The following ADGRB3 variants were observed in gnomAD, a reference collection of about 807,000 sequenced individuals.
ADGRB3 encodes brain-specific angiogenesis inhibitor 3.
In ADGRB3, 37 loss-of-function variants were observed where a neutral mutation model predicts 193.4. The ratio of observed to expected loss-of-function variants is 0.19; its 90% CI spans 0.15 to 0.25. The LOEUF is 0.25. ADGRB3 is among the 10% of genes least tolerant of loss of function. The pLI is 1.00. For missense variants in ADGRB3, 1,637 were observed against 1,852.9 expected, an observed-to-expected ratio of 0.88 and a Z score of 2.14; for synonymous variants, 690 against 644.2, an observed-to-expected ratio of 1.07 and a Z score of -1.08.
intron 3 of ADGRB3, among the ~76,000 whole-genome samples, chr6:68,706,697 G>A (rs1275115503): frequency 6.6e-6 from 1 of 152,188 alleles, no homozygotes; most frequent in Non-Finnish European, 1.5e-5. Context: ...CTGAGAATAA[G>A]TTTGGGACTT....
chr6:68,822,534 G>T (rs1767765780), intron 3 of ADGRB3, among the ~76,000 whole-genome samples: 1 of 151,882 alleles, frequency 6.6e-6, no homozygotes, highest in Non-Finnish European at 1.5e-5. Flanking sequence ...TAGAGTTATT[G>T]TGTTCTCTGA....
intron 15 of ADGRB3, among the ~76,000 whole-genome samples, chr6:69,051,477 C>A (rs1405065334): frequency 6.6e-6 from 1 of 152,082 alleles, no homozygotes; most frequent in Non-Finnish European, 1.5e-5. Context: ...TAGTAAATGT[C>A]TATAGGACAA....
intron 20 of ADGRB3, among the ~76,000 whole-genome samples, chr6:69,268,770 A>T (rs1321013355): frequency 6.6e-6 from 1 of 152,196 alleles, no homozygotes. Flanking sequence ...TTTCACCTTG[A>T]CTTTATCACT....
chr6:68,979,925 T>C (rs2150268060), intron 10 of ADGRB3, among the ~76,000 whole-genome samples: 1 of 151,492 alleles, frequency 6.6e-6, no homozygotes, highest in East Asian at 1.9e-4. Context: ...AGACAAGCTG[T>C]GTGTAATTGG....
intron 30 of ADGRB3, among the ~76,000 whole-genome samples, chr6:69,378,281 G>A (rs931379374): frequency 6.6e-6 from 1 of 151,992 alleles, no homozygotes; most frequent in Non-Finnish European, 1.5e-5. Context: ...GGATTGTTTT[G>A]TCTCATTTTC....
chr6:69,001,892 T>C (rs1769589502), intron 11 of ADGRB3, among the ~76,000 whole-genome samples: 1 of 152,216 alleles, frequency 6.6e-6, no homozygotes, highest in African/African-American at 2.4e-5. Context: ...AGTTGAAAAC[T>C]AGAGTTTTCC....
At chr6:68,851,137 G>A (rs552690489) in intron 3 of ADGRB3, among the ~76,000 whole-genome samples, 5 of 151,952 alleles carry the variant, frequency 3.3e-5, no homozygotes, top group South Asian at 4.1e-4. Context: ...CATGGGTAAC[G>A]TGTTTAGCCT....
intron 20 of ADGRB3, among the ~76,000 whole-genome samples, chr6:69,269,201 T>C (rs1186174626): frequency 6.6e-6 from 1 of 152,172 alleles, no homozygotes. Flanking sequence ...CAGAATCAAG[T>C]ATTGAACTTA....
Position 69,355,846 on chromosome 6 carries a change from T to C in ADGRB3, c.3581T>C (p.Ile1194Thr), listed in dbSNP as rs1769326776. ...ACAGACTTTGAAAAGGATGTAGACA[T>C]TGCCTGTCGATCAGGTAAGAATATT... ...IMTDFEKDVD[I>T]ACRSVLHKDI... Residue 1194 changes from isoleucine (I) to threonine (T), a missense_variant, in exon 28 of 32, where the codon ATT becomes ACT. Physicochemically the swap from Ile to Thr is moderately conservative, Grantham distance 89. Transcript: ENST00000370598. 4.4e-6 allele frequency: 7 copies of C among 1,607,444 alleles called. No individual in the cohort carries two copies. Among genetic ancestry groups the C allele is most frequent in the South Asian group, 2.2e-5 (2 of 90,924 alleles).
intron 3 of ADGRB3, among the ~76,000 whole-genome samples, chr6:68,685,419 TG>T (rs1764964773): frequency 6.6e-6 from 1 of 151,482 alleles, no homozygotes; most frequent in South Asian, 2.1e-4. Context: ...GTATATGAGG[TG>T]GAAATAGAAA....
chr6:69,330,606 AG>A (rs760336142), intron 23 of ADGRB3, 34 bp downstream of exon 23: 27 of 1,534,394 alleles, frequency 1.8e-5, no homozygotes, highest in Non-Finnish European at 2.2e-5. Flanking sequence ...TTGTTTTCTT[AG>A]GAAAAAAAAA....
intron 20 of ADGRB3, among the ~76,000 whole-genome samples, chr6:69,322,553 T>A (rs887206429): frequency 4.6e-5 from 7 of 151,956 alleles, no homozygotes; most frequent in Admixed American, 4.6e-4. Flanking sequence ...TTCTGACTGA[T>A]ATGAGATGGT....
chr6:69,088,787 G>A (rs576898159), intron 17 of ADGRB3, among the ~76,000 whole-genome samples: 1 of 152,282 alleles, frequency 6.6e-6, no homozygotes, highest in Non-Finnish European at 1.5e-5. Context: ...TTCATGGGAG[G>A]AATTCATAAT....
intron 3 of ADGRB3, among the ~76,000 whole-genome samples, chr6:68,700,844 A>T (rs1765231635): frequency 7.7e-6 from 1 of 130,102 alleles, no homozygotes; most frequent in African/African-American, 2.8e-5. Flanking sequence ...GGGGGGAGGG[A>T]TAGCATTAGG....
At chr6:69,182,887 G>A (rs1324946803) in intron 17 of ADGRB3, among the ~76,000 whole-genome samples, 1 of 152,026 alleles carries the variant, frequency 6.6e-6, no homozygotes, top group African/African-American at 2.4e-5. Flanking sequence ...GTTGATTCTT[G>A]TGAGCCTTTA....
At chr6:69,350,615 T>C (rs1020750953) in intron 26 of ADGRB3, among the ~76,000 whole-genome samples, 5 of 152,176 alleles carry the variant, frequency 3.3e-5, no homozygotes, top group Admixed American at 6.5e-5. Context: ...TAATATCTAA[T>C]AAATCTTAAA....
intron 3 of ADGRB3, among the ~76,000 whole-genome samples, chr6:68,737,895 G>T (rs1251680636): frequency 6.6e-6 from 1 of 152,038 alleles, no homozygotes; most frequent in South Asian, 2.1e-4. Flanking sequence ...GAGAGTTCAG[G>T]GTTTAGTGGG....
intron 28 of ADGRB3, among the ~76,000 whole-genome samples, chr6:69,357,240 T>A (rs1359907780): frequency 1.3e-5 from 2 of 152,086 alleles, no homozygotes; most frequent in African/African-American, 2.4e-5. Flanking sequence ...TTGCATATGA[T>A]TTCTATTTCA....
At chr6:69,332,641 A>G (rs1441575700) in intron 23 of ADGRB3, 1 of 985,302 alleles carries the variant, frequency 1.0e-6, no homozygotes, top group Non-Finnish European at 1.2e-6. Flanking sequence ...TTGGCATAGT[A>G]TGGTACCATT....
Sources: allele counts gnomAD v4.1 joint callset (sites outside exome capture counted in the v4.1 genomes callset), GRCh38; gene constraint gnomAD v4.1.1; transcripts MANE v1.5; gene names NCBI Gene and HGNC (gene_info 2026-07-23, HGNC 2026-07-21).